The following CADPS2 variants were observed in gnomAD, a reference collection of about 807,000 sequenced individuals.
CADPS2 encodes the protein calcium-dependent secretion activator 2.
Under a neutral mutation model 172.5 loss-of-function variants are expected in CADPS2, and 93 were observed. The observed-to-expected ratio is 0.54, with a 90% CI of 0.46 to 0.64. The LOEUF is 0.64. CADPS2 is among the 30% of genes least tolerant of loss of function. The pLI is 0.00. For synonymous variants in CADPS2, 546 were observed against 555.2 expected, an observed-to-expected ratio of 0.98 and a Z score of 0.23; for missense variants, 1,420 against 1,565.9, an observed-to-expected ratio of 0.91 and a Z score of 1.57.
At chr7:122,744,970 CTTT>C (rs111615580) in intron 1 of CADPS2, among the ~76,000 whole-genome samples, 1 of 147,872 alleles carries the variant, frequency 6.8e-6, no homozygotes, top group African/African-American at 2.5e-5. Flanking sequence ...TCTCATTTTT[CTTT>C]TTTTTTTTAC....
At chr7:122,322,111 G>A (rs1584993595) in intron 29 of CADPS2, among the ~76,000 whole-genome samples, 1 of 152,176 alleles carries the variant, frequency 6.6e-6, no homozygotes, top group Non-Finnish European at 1.5e-5. Context: ...AAAGATTTGT[G>A]TTTATTCCTA....
intron 15 of CADPS2, among the ~76,000 whole-genome samples, chr7:122,449,317 TTTTG>T (rs1253172498): frequency 2.0e-5 from 3 of 152,042 alleles, no homozygotes; most frequent in African/African-American, 7.2e-5. Flanking sequence ...CAACACTTTT[TTTTG>T]TTTGTTTTTG....
intron 1 of CADPS2, among the ~76,000 whole-genome samples, chr7:122,792,419 A>G (rs1227461503): frequency 6.6e-6 from 1 of 152,130 alleles, no homozygotes; most frequent in Admixed American, 6.5e-5. Context: ...ACAGCCACCT[A>G]TAAACCAGGA....
chr7:122,658,974 G>T (rs2080174620), intron 3 of CADPS2, among the ~76,000 whole-genome samples: 1 of 151,736 alleles, frequency 6.6e-6, no homozygotes, highest in South Asian at 2.1e-4. Flanking sequence ...ATTAAGCACA[G>T]CTCAACTCCT....
At chr7:122,637,375 C>A (rs182185364) in intron 3 of CADPS2, among the ~76,000 whole-genome samples, 15 of 151,538 alleles carry the variant, frequency 9.9e-5, no homozygotes, top group Admixed American at 5.3e-4. Flanking sequence ...TTGTAGAGAA[C>A]AGGAGGCTGA....
intron 1 of CADPS2, among the ~76,000 whole-genome samples, chr7:122,845,638 C>A (rs1811793792): frequency 6.6e-6 from 1 of 152,176 alleles, no homozygotes; most frequent in South Asian, 2.1e-4. Context: ...GAAAAGCCCT[C>A]CACATCAACT....
At chr7:122,769,236 A>G (rs2093641257) in intron 1 of CADPS2, among the ~76,000 whole-genome samples, 1 of 152,198 alleles carries the variant, frequency 6.6e-6, no homozygotes, top group South Asian at 2.1e-4. Flanking sequence ...TAAAATTCAC[A>G]GCTAAAAATT....
intron 2 of CADPS2, among the ~76,000 whole-genome samples, chr7:122,705,571 C>A (rs1008809513): frequency 5.4e-5 from 5 of 93,430 alleles, no homozygotes; most frequent in East Asian, 3.0e-4. Context: ...TATATATTAT[C>A]TATATTATAT....
intron 1 of CADPS2, among the ~76,000 whole-genome samples, chr7:122,880,642 CT>C (rs1173910828): frequency 2.0e-5 from 3 of 152,276 alleles, no homozygotes; most frequent in East Asian, 1.9e-4. Flanking sequence ...ACTATACCCC[CT>C]GAGACTGATT....
intron 8 of CADPS2, among the ~76,000 whole-genome samples, chr7:122,545,345 A>C (rs1017858211): frequency 4.6e-5 from 7 of 152,168 alleles, no homozygotes; most frequent in Admixed American, 1.3e-4. Context: ...ACCTGGTACT[A>C]GAGTGGCAGG....
intron 2 of CADPS2, among the ~76,000 whole-genome samples, chr7:122,667,963 T>C (rs1334256386): frequency 6.6e-6 from 1 of 152,006 alleles, no homozygotes; most frequent in Admixed American, 6.6e-5. Context: ...CTGTATCTGG[T>C]GATGCAGAGG....
At chr7:122,684,708 T>C (rs2083443179) in intron 2 of CADPS2, among the ~76,000 whole-genome samples, 2 of 152,044 alleles carry the variant, frequency 1.3e-5, no homozygotes, top group Admixed American at 1.3e-4. Context: ...AACAAGGAAG[T>C]TGGGAGGAAA....
intron 15 of CADPS2, among the ~76,000 whole-genome samples, chr7:122,448,490 G>A (rs1366501381): frequency 2.0e-5 from 3 of 152,122 alleles, no homozygotes; most frequent in Non-Finnish European, 2.9e-5. Flanking sequence ...GATGATGTGC[G>A]TATAAGAGAA....
chr7:122,484,755 C>A (rs1222544380), intron 11 of CADPS2, among the ~76,000 whole-genome samples: 1 of 151,394 alleles, frequency 6.6e-6, no homozygotes, highest in Non-Finnish European at 1.5e-5. Flanking sequence ...ACGTATCTGA[C>A]AAACATCTTG....
chr7:122,458,293 C>T (rs559940024), intron 14 of CADPS2, among the ~76,000 whole-genome samples: 60 of 152,082 alleles, frequency 3.9e-4, no homozygotes, highest in Non-Finnish European at 5.9e-4. Flanking sequence ...TGTCACAGCA[C>T]GAGAATAAGA....
chr7:122,516,198 C>T lies in CADPS2; in HGVS notation c.1476-2883G>A, dbSNP rs73717662. 4.0e-3 allele frequency among the ~76,000 whole-genome samples: 612 copies of T among 152,122 alleles called. 6 individuals carry two copies. The highest frequency in any genetic ancestry group is 0.014 in the African/African-American group (587 of 41,494). ...AAGTATCCCTATCTAGCTGCTATTT[C>T]ACTGGTATGAAAGCAGTTTCTTAGC... is the stretch of plus-strand genomic sequence containing the variant. On this transcript the variant is annotated intron_variant, in intron 8 of 29. Coordinates refer to ENST00000449022, the MANE Select transcript of CADPS2 (RefSeq NM_017954.11).
At chr7:122,781,298 T>C (rs1198168440) in intron 1 of CADPS2, among the ~76,000 whole-genome samples, 1 of 152,214 alleles carries the variant, frequency 6.6e-6, no homozygotes, top group African/African-American at 2.4e-5. Context: ...CTTTGCCATC[T>C]ACATTACATA....
intron 1 of CADPS2, among the ~76,000 whole-genome samples, chr7:122,805,433 C>A (rs1040573905): frequency 6.6e-6 from 1 of 152,196 alleles, no homozygotes; most frequent in African/African-American, 2.4e-5. Context: ...GCTGAGATTA[C>A]AGGAGTGAGC....
intron 1 of CADPS2, among the ~76,000 whole-genome samples, chr7:122,763,484 C>A (rs990266875): frequency 2.0e-5 from 3 of 152,042 alleles, no homozygotes; most frequent in African/African-American, 7.2e-5. Context: ...GAGAAAAGAG[C>A]CAAAGTATTG....
Sources: allele counts gnomAD v4.1 joint callset (sites outside exome capture counted in the v4.1 genomes callset), GRCh38; gene constraint gnomAD v4.1.1; transcripts MANE v1.5; gene names NCBI Gene and HGNC (gene_info 2026-07-23, HGNC 2026-07-21).